CAPS2: variants seen among roughly 807,000 people sequenced by gnomAD.
CAPS2 encodes the protein calcyphosin-2.
CAPS2 carries 98 observed loss-of-function variants against 86.5 expected under a neutral mutation model. The ratio of observed to expected loss-of-function variants is 1.13; its 90% confidence interval spans 0.96 to 1.34. The LOEUF (loss-of-function observed/expected upper bound fraction) is 1.34, where lower values mean the gene tolerates loss of function less well. CAPS2 is among the 40% of genes most tolerant of loss of function. CAPS2 has a pLI of 0.00. For synonymous variants in CAPS2, 210 were observed against 225.1 expected, an observed-to-expected ratio of 0.93 and a Z score of 0.60; for missense variants, 729 against 686.8, an observed-to-expected ratio of 1.06 and a Z score of -0.69.
intron 11 of CAPS2, chr12:75,295,293 G>A (rs1269832786): frequency 3.3e-5 from 5 of 152,000 alleles, no homozygotes; most frequent in African/African-American, 4.8e-5. Context: ...TTTCCTGGTG[G>A]GCAAATATTT....
At chr12:75,304,928 T>A (rs969752546) in intron 7 of CAPS2, 52 bp from the exon 8 acceptor site, 22 of 1,563,516 alleles carry the variant, frequency 1.4e-5, no homozygotes, top group Non-Finnish European at 1.7e-5. Context: ...TGCATTACTT[T>A]AAAATTCACA....
intron 1 of CAPS2, among the ~76,000 whole-genome samples, chr12:75,353,537 C>T (rs111699379): frequency 1.9e-4 from 29 of 152,260 alleles, no homozygotes; most frequent in African/African-American, 6.7e-4. Flanking sequence ...CAGGACCAGA[C>T]AGATTTACAG....
At chr12:75,362,938 T>C (rs1238613856) in intron 1 of CAPS2, among the ~76,000 whole-genome samples, 2 of 152,176 alleles carry the variant, frequency 1.3e-5, no homozygotes, top group Non-Finnish European at 2.9e-5. Flanking sequence ...ATTGTTTTAA[T>C]AGCTTATTTT....
chr12:75,296,058 T>C (rs1245806572), intron 11 of CAPS2, among the ~76,000 whole-genome samples: 11 of 152,190 alleles, frequency 7.2e-5, no homozygotes, highest in Admixed American at 6.5e-4. Flanking sequence ...ATTTAGATTA[T>C]AATAATCTGG....
At chr12:75,376,657 C>T (rs1388337307) in intron 1 of CAPS2, among the ~76,000 whole-genome samples, 1 of 152,162 alleles carries the variant, frequency 6.6e-6, no homozygotes, top group African/African-American at 2.4e-5. Flanking sequence ...GCTCAGTGCC[C>T]CCAGCCTCAT....
intron 8 of CAPS2, 62 bp downstream of exon 8, chr12:75,304,695 C>T (rs925860396): frequency 8.9e-6 from 11 of 1,242,682 alleles, no homozygotes; most frequent in Non-Finnish European, 1.2e-5. Context: ...CACAGAAGTA[C>T]ATTTTAAAAA....
chr12:75,355,010 C>G (rs1439993891), intron 1 of CAPS2, among the ~76,000 whole-genome samples: 1 of 152,020 alleles, frequency 6.6e-6, no homozygotes, highest in Non-Finnish European at 1.5e-5. Flanking sequence ...AATATAAAAC[C>G]CAAAACTATA....
intron 2 of CAPS2, 104 bp from the exon 4 acceptor site, chr12:75,323,326 T>C (rs78511203): frequency 0.033 from 28,835 of 876,510 alleles, 579 homozygotes; most frequent in East Asian, 0.054. Flanking sequence ...CTGAAACCAA[T>C]AGTGCCATGG....
chr12:75,357,575 G>A (rs536915927), intron 1 of CAPS2, among the ~76,000 whole-genome samples: 1 of 151,964 alleles, frequency 6.6e-6, no homozygotes, highest in Admixed American at 6.6e-5. Flanking sequence ...AAGTGTACAT[G>A]AAATATTTAA....
At chr12:75,278,213 C>T (rs925276670) in exon 17 of CAPS2, 1 of 981,424 alleles carries the variant, frequency 1.0e-6, no homozygotes, top group Non-Finnish European at 1.2e-6. Context: ...ATTAGAATAA[C>T]TACATTGTGC....
At chr12:75,327,336 A>G (rs1488814642), upstream of CAPS2, among the ~76,000 whole-genome samples, 1 of 152,202 alleles carries the variant, frequency 6.6e-6, no homozygotes, top group African/African-American at 2.4e-5. Flanking sequence ...AATAAAATGG[A>G]GTAAATGGTC....
chr12:75,351,921 GGAGAAAT>G lies in CAPS2; in HGVS notation c.-394-28706_-394-28700del, dbSNP rs201898740. Among the ~76,000 whole-genome samples the G allele has an allele frequency of 7.4e-3, 1,130 of 152,264 alleles. 6 individuals carry two copies. Among genetic ancestry groups the G allele is most frequent in the African/African-American group, 0.025 (1,024 of 41,540 alleles). ...CCAGCCAAACAACATCATAAGCGAA[GGAGAAAT>G]GAGATTTTTTTTCAGACAAGCAAAT... is the stretch of plus-strand genomic sequence containing the variant. On this transcript the variant is annotated intron_variant, in intron 1 of 5. Transcript: ENST00000551829.
chr12:75,374,302 G>T (rs2044533612), intron 1 of CAPS2, among the ~76,000 whole-genome samples: 2 of 152,216 alleles, frequency 1.3e-5, no homozygotes, highest in South Asian at 2.1e-4. Context: ...TTACTCGACA[G>T]ATGGGCCAGA....
At chr12:75,377,821 CTTAATA>C (rs1253193493) in intron 1 of CAPS2, among the ~76,000 whole-genome samples, 4 of 147,428 alleles carry the variant, frequency 2.7e-5, no homozygotes, top group African/African-American at 1.0e-4. Context: ...CAAGTTGATA[CTTAATA>C]TTAACCATCA....
chr12:75,340,428 A>G (rs1293217931), intron 1 of CAPS2, among the ~76,000 whole-genome samples: 6 of 151,786 alleles, frequency 4.0e-5, no homozygotes, highest in Admixed American at 3.9e-4. Flanking sequence ...CCTAAAGAGC[A>G]AAAATTAACC....
At chr12:75,306,712 A>C (rs2038547102) in intron 7 of CAPS2, among the ~76,000 whole-genome samples, 1 of 152,100 alleles carries the variant, frequency 6.6e-6, no homozygotes, top group Non-Finnish European at 1.5e-5. Context: ...CTGCTCCTGG[A>C]AAGTTTGGAA....
At chr12:75,290,597 A>C (rs542633012) in intron 13 of CAPS2, among the ~76,000 whole-genome samples, 2 of 152,300 alleles carry the variant, frequency 1.3e-5, no homozygotes, top group African/African-American at 4.8e-5. Flanking sequence ...CCTTATCTTT[A>C]AAAGATAAAT....
chr12:75,306,172 A>G, intron 7 of CAPS2: 1 of 889,094 alleles, frequency 1.1e-6, no homozygotes, highest in Non-Finnish European at 1.8e-6. Context: ...GAATTACCTG[A>G]AGTACCGGCC....
At chr12:75,297,327 T>C (rs1007532869) in intron 11 of CAPS2, among the ~76,000 whole-genome samples, 2 of 152,208 alleles carry the variant, frequency 1.3e-5, no homozygotes, top group Non-Finnish European at 2.9e-5. Context: ...GAGTGTCATA[T>C]GTATAGTGTA....
Sources: allele counts gnomAD v4.1 joint callset (sites outside exome capture counted in the v4.1 genomes callset), GRCh38; gene constraint gnomAD v4.1.1; transcripts MANE v1.5; gene names NCBI Gene and HGNC (gene_info 2026-07-23, HGNC 2026-07-21).